Variants in PAPPA2 observed in about 807,000 individuals in gnomAD.
PAPPA2 encodes pappalysin-2.
In PAPPA2, 86 loss-of-function variants were observed where a neutral mutation model predicts 176.4. The observed-to-expected ratio is 0.49, with a 90% CI of 0.41 to 0.58. The LOEUF (loss-of-function observed/expected upper bound fraction) is 0.58, where lower values mean the gene tolerates loss of function less well. Among genes scored for constraint, PAPPA2 ranks in the 20% least tolerant of loss-of-function variants. PAPPA2 has a pLI of 0.00. For synonymous variants in PAPPA2, 809 were observed against 852.2 expected, an observed-to-expected ratio of 0.95 and a Z score of 0.88; for missense variants, 2,073 against 2,256.9, an observed-to-expected ratio of 0.92 and a Z score of 1.65.
chr1:176,563,795 G>A (rs897471849), intron 2 of PAPPA2, among the ~76,000 whole-genome samples: 2 of 152,158 alleles, frequency 1.3e-5, no homozygotes, highest in African/African-American at 4.8e-5. Flanking sequence ...GACCCCAGGC[G>A]CTGTGCTCTG....
intron 3 of PAPPA2, among the ~76,000 whole-genome samples, chr1:176,647,849 G>A (rs376047727): frequency 4.6e-5 from 7 of 151,574 alleles, no homozygotes; most frequent in African/African-American, 1.7e-4. Context: ...CTATAACTTT[G>A]TAGTGTATTT....
intron 14 of PAPPA2, among the ~76,000 whole-genome samples, chr1:176,742,360 T>A (rs1171210937): frequency 6.6e-6 from 1 of 152,180 alleles, no homozygotes; most frequent in African/African-American, 2.4e-5. Context: ...AGAATTCCCC[T>A]TACAATCATA....
chr1:176,464,692 G>A (rs552253763), intron 1 of PAPPA2, among the ~76,000 whole-genome samples: 66 of 152,266 alleles, frequency 4.3e-4, no homozygotes, highest in African/African-American at 1.5e-3. Flanking sequence ...ATGGCTCTCC[G>A]CATAGTTATC....
intron 16 of PAPPA2, among the ~76,000 whole-genome samples, 184 bp downstream of exon 16, chr1:176,769,968 G>A (rs1035925482): frequency 2.6e-5 from 4 of 152,184 alleles, no homozygotes; most frequent in Non-Finnish European, 5.9e-5. Context: ...CTACTTGAAA[G>A]GATGCACTGG....
At chr1:176,831,372 T>C (rs1667073061) in intron 21 of PAPPA2, among the ~76,000 whole-genome samples, 1 of 152,172 alleles carries the variant, frequency 6.6e-6, no homozygotes, top group Non-Finnish European at 1.5e-5. Flanking sequence ...CAATAAAAAC[T>C]TCACAGAAGT....
chr1:176,547,472 C>A (rs1433740215), intron 1 of PAPPA2, among the ~76,000 whole-genome samples: 1 of 152,122 alleles, frequency 6.6e-6, no homozygotes, highest in Non-Finnish European at 1.5e-5. Flanking sequence ...GAGGAGTTTC[C>A]TGCCCTGCCT....
chr1:176,510,664 A>G (rs978490429), intron 1 of PAPPA2, among the ~76,000 whole-genome samples: 4 of 152,104 alleles, frequency 2.6e-5, no homozygotes, highest in African/African-American at 9.7e-5. Flanking sequence ...GTCGTTTTAT[A>G]GTTTATAATA....
chr1:176,739,625 G>A lies in PAPPA2; in HGVS notation c.3799-1G>A. 6.2e-7 allele frequency: 1 copy of A among 1,612,518 alleles called. No individual in the cohort carries two copies. The highest frequency in any genetic ancestry group is 8.5e-7 in the Non-Finnish European group (1 of 1,178,988). ...TTATACATAAATGTGCTTATGCTTA[G>A]GTGTGTTTCAATAGACCAGGAGAGG... On this transcript the variant is annotated splice_acceptor_variant, in intron 12 of 22. Coordinates refer to ENST00000367662, the MANE Select transcript of PAPPA2 (RefSeq NM_020318.3). LOFTEE classifies it high-confidence loss of function.
intron 17 of PAPPA2, among the ~76,000 whole-genome samples, chr1:176,785,818 C>G (rs185974900): frequency 2.0e-5 from 3 of 152,194 alleles, no homozygotes; most frequent in Non-Finnish European, 4.4e-5. Context: ...AATCGGCATT[C>G]TTGAATGGCT....
intron 3 of PAPPA2, among the ~76,000 whole-genome samples, chr1:176,608,384 G>A (rs913461579): frequency 6.6e-5 from 10 of 152,040 alleles, no homozygotes; most frequent in African/African-American, 2.2e-4. Context: ...TCTGACAATT[G>A]CCTAGGGCAC....
chr1:176,756,702 G>A (rs965044180), intron 14 of PAPPA2, among the ~76,000 whole-genome samples: 1 of 151,802 alleles, frequency 6.6e-6, no homozygotes, highest in African/African-American at 2.4e-5. Context: ...CTGTAGATAA[G>A]ACTCTTATTA....
At chr1:176,655,150 C>T (rs79531031) in intron 3 of PAPPA2, among the ~76,000 whole-genome samples, 1,851 of 151,892 alleles carry the variant, frequency 0.012, 23 homozygotes, top group Non-Finnish European at 0.017. Flanking sequence ...TCTTGTTCCA[C>T]TTGTTGAAAG....
chr1:176,617,493 A>C (rs931779595), intron 3 of PAPPA2, among the ~76,000 whole-genome samples: 1 of 152,002 alleles, frequency 6.6e-6, no homozygotes, highest in Non-Finnish European at 1.5e-5. Flanking sequence ...CCATTATATC[A>C]TTCTTATGCC....
At position 176,690,329 on chromosome 1, in the gene PAPPA2, C is replaced by T. The variant is rs1356445512; in HGVS notation, c.2330C>T (p.Thr777Ile). ...TGDLCADTAPTPKSELCREPE... is the reference protein window; with the variant it reads ...TGDLCADTAPIPKSELCREPE... ...GACCTCTGTGCCGACACCGCCCCCACTCCCAAGAGTGAGCTGTGCCGGGAA... is the reference window on the plus strand; with the variant it reads ...GACCTCTGTGCCGACACCGCCCCCATTCCCAAGAGTGAGCTGTGCCGGGAA... The change falls in exon 5 of 23, where the codon ACT (threonine) becomes ATT (isoleucine). Residue 777 changes from threonine to isoleucine, a missense_variant. By Grantham distance (89) the Thr-to-Ile change is moderately conservative. Coordinates refer to ENST00000367662, the MANE Select transcript of PAPPA2 (RefSeq NM_020318.3). The T allele has an allele frequency of 3.1e-6, 5 of 1,614,092 alleles. No homozygotes were observed. The African/African-American group carries it at 4.0e-5, about 13-fold the overall frequency.
intron 21 of PAPPA2, among the ~76,000 whole-genome samples, chr1:176,805,218 T>G (rs1269169118): frequency 6.6e-6 from 1 of 152,214 alleles, no homozygotes; most frequent in East Asian, 1.9e-4. Context: ...TACCTAGGGA[T>G]AAAGACTTAT....
intron 14 of PAPPA2, among the ~76,000 whole-genome samples, chr1:176,761,303 C>T (rs1210135505): frequency 6.6e-6 from 1 of 152,122 alleles, no homozygotes; most frequent in African/African-American, 2.4e-5. Context: ...AAAACTCAAT[C>T]CTTTGGCTTA....
chr1:176,741,054 A>T (rs1662656633), intron 14 of PAPPA2, among the ~76,000 whole-genome samples: 1 of 152,104 alleles, frequency 6.6e-6, no homozygotes, highest in South Asian at 2.1e-4. Context: ...CAGGGATGGG[A>T]GTAGAGAGTA....
At chr1:176,560,183 A>G (rs1016890466) in intron 2 of PAPPA2, among the ~76,000 whole-genome samples, 1 of 152,136 alleles carries the variant, frequency 6.6e-6, no homozygotes, top group Non-Finnish European at 1.5e-5. Flanking sequence ...TGCGGGGCTT[A>G]TGTGAAAGGG....
At chr1:176,498,162 T>C (rs1647737179) in intron 1 of PAPPA2, among the ~76,000 whole-genome samples, 2 of 152,184 alleles carry the variant, frequency 1.3e-5, no homozygotes, top group African/African-American at 4.8e-5. Flanking sequence ...TTTTTTCTTT[T>C]TCTTTTCAGA....
Sources: gnomAD v4.1 joint callset for allele counts (sites outside exome capture counted in the v4.1 genomes callset) on GRCh38, gnomAD v4.1.1 for gene constraint, MANE v1.5 for transcripts, NCBI Gene and HGNC (gene_info 2026-07-23, HGNC 2026-07-21) for gene names.